Variants in NCAM2 observed in about 807,000 individuals in gnomAD.
NCAM2 encodes neural cell adhesion molecule 2, also known as N-CAM-2.
NCAM2 carries 30 observed loss-of-function variants against 98.1 expected under a neutral mutation model. That is an observed-to-expected ratio of 0.31 (90% CI 0.23 to 0.41). The LOEUF is 0.41. Among genes scored for constraint, NCAM2 ranks in the 10% least tolerant of loss-of-function variants. The probability of loss-of-function intolerance (pLI) is 1.00; values close to 1 mark genes in which losing one functional copy is unlikely to be tolerated. For synonymous variants in NCAM2, 368 were observed against 342.4 expected, an observed-to-expected ratio of 1.07 and a Z score of -0.83; for missense variants, 867 against 1,005.8, an observed-to-expected ratio of 0.86 and a Z score of 1.87.
intron 5 of NCAM2, among the ~76,000 whole-genome samples, chr21:21,311,441 C>T (rs1169474141): frequency 3.3e-5 from 5 of 150,494 alleles, no homozygotes; most frequent in East Asian, 2.0e-4. Context: ...GCTGGGTTCA[C>T]GCCATTCTCC....
intron 1 of NCAM2, among the ~76,000 whole-genome samples, chr21:21,261,389 C>CT (rs1014842382): frequency 2.6e-5 from 4 of 152,086 alleles, no homozygotes; most frequent in African/African-American, 7.2e-5. Context: ...CTGGAAAATG[C>CT]TTTTTTTTCC....
At chr21:21,422,315 G>A (rs1053364147) in intron 11 of NCAM2, among the ~76,000 whole-genome samples, 1 of 152,288 alleles carries the variant, frequency 6.6e-6, no homozygotes. Flanking sequence ...GGGAGGCTGG[G>A]AGAGAGGGGA....
intron 9 of NCAM2, among the ~76,000 whole-genome samples, chr21:21,408,143 C>G (rs1377048571): frequency 6.6e-6 from 1 of 152,096 alleles, no homozygotes; most frequent in Admixed American, 6.6e-5. Context: ...GCCTAATGAC[C>G]ATGATGAGGG....
intron 14 of NCAM2, among the ~76,000 whole-genome samples, chr21:21,473,957 AT>A (rs36108536): frequency 2.0e-5 from 3 of 150,930 alleles, no homozygotes; most frequent in Admixed American, 6.6e-5. Context: ...GCAAATGACC[AT>A]TTTTTTTCAG....
intron 16 of NCAM2, among the ~76,000 whole-genome samples, chr21:21,527,594 T>C (rs1585395): frequency 0.6 from 90,456 of 151,762 alleles, 27,646 homozygotes; most frequent in African/African-American, 0.72. Flanking sequence ...GTAAATAAGC[T>C]TATGAAAAGA....
At chr21:21,423,776 T>C (rs557409579) in intron 11 of NCAM2, among the ~76,000 whole-genome samples, 6 of 152,234 alleles carry the variant, frequency 3.9e-5, no homozygotes, top group South Asian at 4.1e-4. Flanking sequence ...AAATTCAATA[T>C]TTTAGCTCTT....
At chr21:21,513,916 T>C (rs1988548605) in intron 16 of NCAM2, among the ~76,000 whole-genome samples, 1 of 152,034 alleles carries the variant, frequency 6.6e-6, no homozygotes, top group Non-Finnish European at 1.5e-5. Flanking sequence ...ATTCCCTTGA[T>C]TAACCAACCC....
At chr21:21,091,443 T>G (rs1170608568) in intron 1 of NCAM2, among the ~76,000 whole-genome samples, 1 of 152,168 alleles carries the variant, frequency 6.6e-6, no homozygotes, top group East Asian at 1.9e-4. Flanking sequence ...TCGATGTTCA[T>G]TAAAGTACAT....
chr21:21,534,397 T>C, intron 16 of NCAM2, 140 bp from the exon 17 acceptor site: 1 of 611,770 alleles, frequency 1.6e-6, no homozygotes, highest in Non-Finnish European at 2.5e-6. Flanking sequence ...TGGTAAAGCA[T>C]TTCTCAGTGG....
chr21:21,462,488 A>G (rs1262315447), intron 12 of NCAM2, among the ~76,000 whole-genome samples: 2 of 152,058 alleles, frequency 1.3e-5, no homozygotes, highest in African/African-American at 4.8e-5. Flanking sequence ...ATAATGCATT[A>G]TAGGAACAAA....
chr21:21,116,172 T>G (rs1296936231), intron 1 of NCAM2, among the ~76,000 whole-genome samples: 2 of 152,106 alleles, frequency 1.3e-5, no homozygotes, highest in African/African-American at 4.8e-5. Flanking sequence ...TTTATTATTT[T>G]TAAGATGCTC....
At chr21:21,043,869 A>G (rs988010753) in intron 1 of NCAM2, among the ~76,000 whole-genome samples, 4 of 146,618 alleles carry the variant, frequency 2.7e-5, no homozygotes, top group Non-Finnish European at 6.1e-5. Flanking sequence ...AAAAAAAAAG[A>G]AAAAAGAAAG....
chr21:21,452,406 G>A (rs937739575), intron 12 of NCAM2, among the ~76,000 whole-genome samples: 1 of 146,548 alleles, frequency 6.8e-6, no homozygotes, highest in Non-Finnish European at 1.5e-5. Flanking sequence ...AGATTCCATA[G>A]TGAAGAAAGT....
chr21:21,498,903 T>A (rs1304296964), intron 15 of NCAM2, among the ~76,000 whole-genome samples: 2 of 152,108 alleles, frequency 1.3e-5, no homozygotes, highest in African/African-American at 2.4e-5. Flanking sequence ...AAGAAGAGAA[T>A]GCCTCCCAAA....
rs1427290847 is a variant in NCAM2, at chr21:21,284,277, G to C, written c.214G>C (p.Glu72Gln). The stretch of plus-strand genomic sequence containing the variant: ...AACACAGAGGGTAGTAGTGCAAAAG[G>C]AAGGTGTTAGGTCACGGTTAACCAT... Reference protein sequence around the residue: ...ISTQRVVVQKEGVRSRLTIYN... With the variant: ...ISTQRVVVQKQGVRSRLTIYN... Residue 72 changes from glutamate (E) to glutamine (Q), a missense_variant, in exon 3 of 18, where the codon GAA becomes CAA. Glu to Gln is a conservative substitution (Grantham distance 29). Coordinates refer to ENST00000400546, the MANE Select transcript of NCAM2 (RefSeq NM_004540.5). 1 of 1,611,950 alleles carries C rather than the reference G, an allele frequency of 6.2e-7. No homozygotes were observed.
chr21:21,059,828 C>A (rs1159281698), intron 1 of NCAM2, among the ~76,000 whole-genome samples: 1 of 152,040 alleles, frequency 6.6e-6, no homozygotes, highest in Non-Finnish European at 1.5e-5. Flanking sequence ...ACCAAGGAAG[C>A]TGCTAAATAT....
At chr21:21,077,486 T>A (rs753406118) in intron 1 of NCAM2, among the ~76,000 whole-genome samples, 12 of 152,296 alleles carry the variant, frequency 7.9e-5, no homozygotes, top group Non-Finnish European at 1.8e-4. Context: ...GATTTCAGAT[T>A]AATGAGGCCC....
At chr21:21,264,678 C>T (rs1568853670) in intron 1 of NCAM2, among the ~76,000 whole-genome samples, 1 of 149,114 alleles carries the variant, frequency 6.7e-6, no homozygotes, top group African/African-American at 2.5e-5. Flanking sequence ...CACACACACA[C>T]ATATATACAC....
In NCAM2 at chr21:21,292,301, A is replaced by C; in HGVS notation, c.619+60A>C. 3 of 1,519,582 alleles carry C rather than the reference A, an allele frequency of 2.0e-6. No homozygotes were observed. In the Admixed American group the frequency reaches 5.6e-5, roughly 28 times the overall value. The allele number at this position is 1,519,582 out of a possible 1,614,324, so 94.1% of individuals were successfully genotyped here. A position where few individuals can be genotyped will look rare whatever the true frequency, so the allele number is the denominator to read the frequency against. On this transcript the variant is annotated intron_variant, in intron 5 of 17. Coordinates refer to ENST00000400546, the MANE Select transcript of NCAM2 (RefSeq NM_004540.5). ...TTCATTTTAGCAATGTTTTTTATTA[A>C]ATGGCAACCATGTGAACTCAAAATA... is the stretch of plus-strand genomic sequence containing the variant.
Sources: allele counts gnomAD v4.1 joint callset (sites outside exome capture counted in the v4.1 genomes callset), GRCh38; gene constraint gnomAD v4.1.1; transcripts MANE v1.5; gene names NCBI Gene and HGNC (gene_info 2026-07-23, HGNC 2026-07-21).